PRR5L: variants seen among roughly 807,000 people sequenced by gnomAD.
The protein encoded by PRR5L is proline-rich protein 5-like.
A neutral mutation model predicts 36.4 loss-of-function variants in PRR5L; 21 were observed. The observed-to-expected ratio is 0.58, with a 90% CI of 0.41 to 0.83. The LOEUF is 0.83. Ranked by LOEUF, PRR5L falls within the 40% of genes least tolerant of loss-of-function variation. The pLI, the probability that PRR5L is intolerant of heterozygous loss-of-function variation, is 0.00. For synonymous variants in PRR5L, 188 were observed against 197.0 expected (o/e 0.95, Z 0.38); for missense variants, 381 against 473.3 (o/e 0.80, Z 1.81).
intron 1 of PRR5L, among the ~76,000 whole-genome samples, chr11:36,323,674 G>A (rs1453087148): frequency 2.0e-5 from 3 of 152,188 alleles, no homozygotes; most frequent in African/African-American, 7.2e-5. Context: ...ATTTAAAAGT[G>A]TCCTGGTTAA....
chr11:36,404,030 T>C (rs1001828933), intron 3 of PRR5L, among the ~76,000 whole-genome samples: 2 of 152,228 alleles, frequency 1.3e-5, no homozygotes, highest in Admixed American at 6.5e-5. Flanking sequence ...TGCTGTGATC[T>C]GAAACATCCA....
intron 1 of PRR5L, among the ~76,000 whole-genome samples, chr11:36,313,008 T>C (rs1445870722): frequency 6.6e-6 from 1 of 152,264 alleles, no homozygotes; most frequent in African/African-American, 2.4e-5. Flanking sequence ...AGATGTATCC[T>C]CTAGGATTCC....
At chr11:36,347,277 T>A (rs1856877144) in intron 1 of PRR5L, among the ~76,000 whole-genome samples, 1 of 152,200 alleles carries the variant, frequency 6.6e-6, no homozygotes, top group Non-Finnish European at 1.5e-5. Context: ...GCAGTGGGAA[T>A]TCCCAGATGT....
rs146285093 is a variant in PRR5L at position 36,447,409 on chromosome 11, G to C, written c.585+969G>C. On this transcript the variant is annotated intron_variant, in intron 7 of 8. Transcript: ENST00000530639. ...CTTTGCCCAATCAGCCATGACCCTT[G>C]AATAAGATCAAGCAGTATAAACATG... Among the ~76,000 whole-genome samples, 529 of 152,278 alleles carry C rather than the reference G, an allele frequency of 3.5e-3. 2 individuals carry two copies. Among genetic ancestry groups the C allele is most frequent in the African/African-American group, 0.012 (508 of 41,554 alleles).
rs368989631 is a variant in PRR5L at position 36,408,573 on chromosome 11, T to C, written c.245+5195T>C. 3.3e-5 allele frequency among the ~76,000 whole-genome samples: 5 copies of C among 152,312 alleles called. No individual in the cohort carries two copies. In the East Asian group the frequency reaches 7.7e-4, roughly 24 times the overall value. On this transcript the variant is annotated intron_variant, in intron 3 of 8. Transcript: ENST00000530639. ...GCTGATTCTGGGAGTCTTCTTGTTT[T>C]GAATTCTCAATGGGGTGTTAGTGCG...
In PRR5L at chr11:36,401,166, G is replaced by T. The variant is rs771993504; in HGVS notation, c.45G>T (p.Lys15Asn). 4.3e-6 allele frequency: 7 copies of T among 1,614,070 alleles called. No individual in the cohort carries two copies. In the East Asian group the frequency reaches 1.6e-4, roughly 36 times the overall value. ...FAPILPVEFHKMGSFRRPRPR... is the reference protein window; with the variant it reads ...FAPILPVEFHNMGSFRRPRPR... ...CCATTCTGCCCGTCGAGTTCCACAA[G>T]ATGGGCTCCTTCCGCAGGCCTAGAC... The change falls in exon 2 of 9, where the codon AAG becomes AAT. Residue 15 changes from lysine (K) to asparagine (N), a missense_variant. Physicochemically the swap from Lys to Asn is moderately conservative, Grantham distance 94. Coordinates refer to ENST00000530639, the MANE Select transcript of PRR5L (RefSeq NM_001160167.2).
intron 1 of PRR5L, among the ~76,000 whole-genome samples, chr11:36,335,032 G>C (rs1856755024): frequency 6.6e-6 from 1 of 151,968 alleles, no homozygotes; most frequent in Non-Finnish European, 1.5e-5. Context: ...CTTATCATTT[G>C]ATCTGTACCA....
chr11:36,301,010 G>A (rs928504827), intron 1 of PRR5L: 3 of 152,278 alleles, frequency 2.0e-5, no homozygotes, highest in Non-Finnish European at 2.9e-5. Flanking sequence ...GGAAAGGGCA[G>A]GTCATTGAAT....
intron 1 of PRR5L, among the ~76,000 whole-genome samples, chr11:36,391,423 A>C (rs1246885173): frequency 6.6e-6 from 1 of 152,176 alleles, no homozygotes; most frequent in African/African-American, 2.4e-5. Context: ...ACATCTTGGA[A>C]GTTTTTGATG....
At chr11:36,381,433 CA>C (rs1435656634) in intron 1 of PRR5L, among the ~76,000 whole-genome samples, 1 of 91,440 alleles carries the variant, frequency 1.1e-5, no homozygotes, top group East Asian at 3.4e-4. Flanking sequence ...TTCCCAAGGA[CA>C]GGGGGCAGGG....
At chr11:36,372,568 T>C (rs1798874463) in intron 1 of PRR5L, among the ~76,000 whole-genome samples, 1 of 152,194 alleles carries the variant, frequency 6.6e-6, no homozygotes, top group African/African-American at 2.4e-5. Flanking sequence ...CTTCTAACTA[T>C]GTGTCCGCAT....
intron 1 of PRR5L, among the ~76,000 whole-genome samples, chr11:36,394,813 G>A (rs1375473009): frequency 1.3e-5 from 2 of 152,116 alleles, no homozygotes; most frequent in African/African-American, 4.8e-5. Flanking sequence ...TGCCATATAA[G>A]ATAATATTCA....
chr11:36,412,866 A>G (rs971074166), intron 3 of PRR5L, among the ~76,000 whole-genome samples: 2 of 152,094 alleles, frequency 1.3e-5, no homozygotes, highest in Non-Finnish European at 2.9e-5. Flanking sequence ...AGCATCCAGA[A>G]CCATGTCTAA....
chr11:36,396,754 C>T (rs2133550708), intron 1 of PRR5L, among the ~76,000 whole-genome samples: 1 of 152,304 alleles, frequency 6.6e-6, no homozygotes, highest in East Asian at 1.9e-4. Context: ...GGTCACACAG[C>T]TCATAGGGAG....
At chr11:36,462,296 A>AAT in intron 8 of PRR5L, 46 bp from the exon 9 acceptor site, 1 of 1,479,778 alleles carries the variant, frequency 6.8e-7, no homozygotes, top group Non-Finnish European at 9.0e-7. Flanking sequence ...TTTAAGCACC[A>AAT]ATACCCCCTC....
chr11:36,362,450 G>GT (rs1565416910), intron 1 of PRR5L, among the ~76,000 whole-genome samples: 3 of 149,916 alleles, frequency 2.0e-5, no homozygotes, highest in Admixed American at 6.7e-5. Flanking sequence ...GCGGACGGGG[G>GT]CGGTGGTTGG....
chr11:36,327,239 G>T (rs74828549), intron 1 of PRR5L, among the ~76,000 whole-genome samples: 17,267 of 152,124 alleles, frequency 0.11, 993 homozygotes, highest in Non-Finnish European at 0.12. Flanking sequence ...CTCTCCTCTC[G>T]GCCAAGGGGA....
At chr11:36,340,956 G>C (rs758819095) in intron 1 of PRR5L, among the ~76,000 whole-genome samples, 5 of 152,154 alleles carry the variant, frequency 3.3e-5, no homozygotes, top group Admixed American at 6.5e-5. Flanking sequence ...ATCTCTCATG[G>C]AACAGAGGGA....
At chr11:36,431,973 G>A in intron 5 of PRR5L, 63 bp downstream of exon 5, 1 of 1,414,576 alleles carries the variant, frequency 7.1e-7, no homozygotes. Context: ...TGTCTGGACG[G>A]CTGAGATGCT....
Sources: gnomAD v4.1 joint callset for allele counts (sites outside exome capture counted in the v4.1 genomes callset) on GRCh38, gnomAD v4.1.1 for gene constraint, MANE v1.5 for transcripts, NCBI Gene and HGNC (gene_info 2026-07-23, HGNC 2026-07-21) for gene names.